INTS13: variants seen among roughly 807,000 people sequenced by gnomAD.
INTS13 encodes the protein asunder, spermatogenesis regulator homolog (Drosphila).
A neutral mutation model predicts 90.2 loss-of-function variants in INTS13; 35 were observed. The ratio of observed to expected loss-of-function variants is 0.39; its 90% CI spans 0.30 to 0.51. The LOEUF (loss-of-function observed/expected upper bound fraction) is 0.51. INTS13 is among the 20% of genes least tolerant of loss of function. The pLI, the probability that INTS13 is intolerant of heterozygous loss-of-function variation, is 0.80. For synonymous variants in INTS13, 309 were observed against 277.1 expected (o/e 1.11, Z -1.14); for missense variants, 601 against 851.2 (o/e 0.71, Z 3.66).
chr12:26,925,654 T>C lies in INTS13; in HGVS notation c.675+107A>G, dbSNP rs554929435. On this transcript the variant is annotated intron_variant, in intron 6 of 16. Transcript: ENST00000261191. Reference sequence around the variant, plus strand: ...AGGTTTACTTTGAAAACTCAAAATATTTTCTTGGCAGAAAATATTGGCAAT... The same window carrying C: ...AGGTTTACTTTGAAAACTCAAAATACTTTCTTGGCAGAAAATATTGGCAAT... 161 of 951,892 alleles carry C rather than the reference T, an allele frequency of 1.7e-4. No individual in the cohort carries two copies. The East Asian group carries it at 3.8e-3, about 23-fold the overall frequency. The allele number at this position is 951,892 out of a possible 1,614,324, so 59.0% of individuals were successfully genotyped here.
At chr12:26,934,193 T>A (rs369040716) in intron 3 of INTS13, among the ~76,000 whole-genome samples, 1 of 152,204 alleles carries the variant, frequency 6.6e-6, no homozygotes. Flanking sequence ...GTGAATCTAT[T>A]GAACCTGGGA....
At position 26,916,072 on chromosome 12, in the gene INTS13, C is replaced by T. The variant is rs751052341; in HGVS notation, c.1178G>A (p.Arg393Gln). 6.2e-7 allele frequency: 1 copy of T among 1,613,848 alleles called. No homozygotes were observed. The highest frequency in any genetic ancestry group is 1.7e-4 in the Middle Eastern group (1 of 6,060). The change falls in exon 11 of 17, where the codon CGA becomes CAA. Residue 393 changes from arginine to glutamine, a missense_variant. By Grantham distance (43) the Arg-to-Gln change is conservative. Transcript: ENST00000261191. ...TGAAGGTGGATCTTCTAGAATGGAT[C>T]GAGAACTGCTAAGGACGTGCAAAAA... is the stretch of plus-strand genomic sequence containing the variant. ...EIFLHVLSSS[R>Q]SILEDPPSIS...
intron 11 of INTS13, 115 bp downstream of exon 11, chr12:26,915,887 A>T: frequency 2.9e-6 from 2 of 680,444 alleles, no homozygotes; most frequent in Non-Finnish European, 4.6e-6. Context: ...AATAATAATC[A>T]ACTTCTTCCA....
In INTS13 at chr12:26,928,786, T is replaced by C; in HGVS notation, c.420A>G (p.Gln140=). 6.2e-7 allele frequency: 1 copy of C among 1,614,200 alleles called. No homozygotes were observed. The highest frequency in any genetic ancestry group is 8.5e-7 in the Non-Finnish European group (1 of 1,180,036). The change falls in exon 4 of 17, where the codon CAA becomes CAG. Residue 140 remains glutamine, a synonymous_variant. Transcript: ENST00000261191. Reference sequence around the variant, plus strand: ...CCATGAGTAGAGTACGAGCCTCATGTTGGTATTCAGTAATTTTGCAGAGAG... The same window carrying C: ...CCATGAGTAGAGTACGAGCCTCATGCTGGTATTCAGTAATTTTGCAGAGAG... ...VETLCKITEY[Q]HEARTLLMEN...
intron 16 of INTS13, 87 bp from the exon 17 acceptor site, chr12:26,905,623 A>C (rs1951586864): frequency 7.7e-7 from 1 of 1,298,634 alleles, no homozygotes; most frequent in African/African-American, 1.5e-5. Flanking sequence ...GAAAATTAAA[A>C]TAATATATTC....
Position 26,936,751 on chromosome 12 carries a change from G to C in INTS13, c.53C>G (p.Pro18Arg). The change falls in exon 2 of 17, where the codon CCT becomes CGT. Residue 18 changes from proline to arginine, a missense_variant. Around this residue, in one of 3 missense-constraint regions of INTS13, gnomAD observed 284 missense variants for 387.7 expected, o/e 0.73. Transcript: ENST00000261191. ...HKTVFVVDHC[P>R]YMAESCRQHV... ...CTGCCTGCAAGATTCTGCCATATAAGGGCAGTGATCCACAACAAACACTGT... is the reference window on the plus strand; with the variant it reads ...CTGCCTGCAAGATTCTGCCATATAACGGCAGTGATCCACAACAAACACTGT... 6.2e-7 allele frequency: 1 copy of C among 1,614,074 alleles called. No individual in the cohort carries two copies. Among genetic ancestry groups the C allele is most frequent in the Non-Finnish European group, 8.5e-7 (1 of 1,179,976 alleles).
chr12:26,916,243 G>T, intron 10 of INTS13, 63 bp from the exon 11 acceptor site: 1 of 1,356,794 alleles, frequency 7.4e-7, no homozygotes, highest in Non-Finnish European at 9.9e-7. Context: ...TTATTTCCTT[G>T]AGATTTATGT....
In INTS13 at chr12:26,925,850, GACTT is replaced by G; in HGVS notation, c.585-3_585del. The G allele has an allele frequency of 6.2e-7, 1 of 1,608,922 alleles. No homozygotes were observed. The highest frequency in any genetic ancestry group is 8.5e-7 in the Non-Finnish European group (1 of 1,176,710). On this transcript the variant is annotated splice_acceptor_variant and splice_polypyrimidine_tract_variant and coding_sequence_variant and intron_variant, in exon 6 of 17. Coordinates refer to ENST00000261191, the MANE Select transcript of INTS13 (RefSeq NM_018164.3). LOFTEE classifies it high-confidence loss of function. ...AACTCACATTTTTGAATCTGCATGA[GACTT>G]AAAGAGAAATTTTTGACTTAAAATT... is the stretch of plus-strand genomic sequence containing the variant.
chr12:26,936,839 C>A, intron 1 of INTS13, 25 bp from the exon 2 acceptor site: 2 of 1,446,828 alleles, frequency 1.4e-6, no homozygotes, highest in Non-Finnish European at 1.9e-6. Context: ...ACATATTAGC[C>A]AAATATTTGT....
At chr12:26,922,298 C>A (rs1242243886) in intron 8 of INTS13, among the ~76,000 whole-genome samples, 1 of 152,120 alleles carries the variant, frequency 6.6e-6, no homozygotes, top group Non-Finnish European at 1.5e-5. Context: ...GAGTACAGTA[C>A]AATAAGATAT....
At position 26,928,709 on chromosome 12, in the gene INTS13, G is replaced by C; in HGVS notation, c.497C>G (p.Ala166Gly). The C allele has an allele frequency of 6.2e-7, 1 of 1,612,236 alleles. No homozygotes were observed. The highest frequency in any genetic ancestry group is 8.5e-7 in the Non-Finnish European group (1 of 1,179,568). ...NRGRIICITN[A>G]KSDSHVRMLE... is the part of the protein sequence containing the mutation. ...GCTATAATCAACACCTCACCTTTTT[G>C]CATTAGTAATACAGATTATTCGTCC... is the stretch of plus-strand genomic sequence containing the variant. Residue 166 changes from alanine to glycine, a missense_variant, in exon 4 of 17, where the codon GCA becomes GGA. This residue lies in a region of INTS13 where 284 missense variants were observed against 387.7 expected (regional missense o/e 0.73). Transcript: ENST00000261191.
intron 8 of INTS13, among the ~76,000 whole-genome samples, chr12:26,918,037 G>A (rs773196891): frequency 3.3e-5 from 5 of 152,064 alleles, no homozygotes; most frequent in Non-Finnish European, 5.9e-5. Context: ...CAGAAGAATC[G>A]CTTGAACCTG....
intron 7 of INTS13, among the ~76,000 whole-genome samples, chr12:26,923,779 T>A (rs1344706189): frequency 1.3e-5 from 2 of 152,316 alleles, no homozygotes; most frequent in Non-Finnish European, 2.9e-5. Context: ...TAGTTAGACC[T>A]ATTAGCTATA....
In INTS13 at chr12:26,916,051, G is replaced by T. The variant is rs893183452; in HGVS notation, c.1199C>A (p.Pro400His). Reference sequence around the variant, plus strand: ...TCCTCCACATCCTTCACTAATTGAAGGTGGATCTTCTAGAATGGATCGAGA... The same window carrying T: ...TCCTCCACATCCTTCACTAATTGAATGTGGATCTTCTAGAATGGATCGAGA... Reference protein sequence around the residue: ...SSSRSILEDPPSISEGCGGRV... With the variant: ...SSSRSILEDPHSISEGCGGRV... Residue 400 changes from proline to histidine, a missense_variant, in exon 11 of 17, where the codon CCT becomes CAT. By Grantham distance (77) the Pro-to-His change is moderately conservative. Transcript: ENST00000261191. The T allele has an allele frequency of 1.2e-6, 2 of 1,613,592 alleles. No homozygotes were observed. Among genetic ancestry groups the T allele is most frequent in the Admixed American group, 1.7e-5 (1 of 59,986 alleles).
intron 9 of INTS13, 46 bp downstream of exon 9, chr12:26,917,598 A>G (rs1435105813): frequency 6.5e-7 from 1 of 1,538,670 alleles, no homozygotes; most frequent in Non-Finnish European, 9.0e-7. Flanking sequence ...ATAATACCTT[A>G]AGAACCTTTT....
chr12:26,920,857 T>A (rs1403123218), intron 8 of INTS13, among the ~76,000 whole-genome samples: 1 of 152,204 alleles, frequency 6.6e-6, no homozygotes, highest in Non-Finnish European at 1.5e-5. Context: ...AGCAGTTCAT[T>A]AGGTTTATTC....
Position 26,911,162 on chromosome 12 carries a change from C to T in INTS13, c.1945+16G>A. On this transcript the variant is annotated intron_variant, in intron 15 of 16. Coordinates refer to ENST00000261191, the MANE Select transcript of INTS13 (RefSeq NM_018164.3). ...GAAAACTTTTTATAAACCTAGTTACCACAGCTGTACCTTACCTTTTGATTT... is the reference window on the plus strand; with the variant it reads ...GAAAACTTTTTATAAACCTAGTTACTACAGCTGTACCTTACCTTTTGATTT... 3 of 1,600,218 alleles carry T rather than the reference C, an allele frequency of 1.9e-6. No homozygotes were observed. In the South Asian group the frequency reaches 3.4e-5, roughly 18 times the overall value.
Position 26,925,809 on chromosome 12 carries a change from G to T in INTS13, c.627C>A (p.Thr209=), listed in dbSNP as rs576510959. ...IQKCELVLIH[T]YPVGEDSLVS... ...CAAGGCTGTCTTCACCAACTGGGTA[G>T]GTGTGGATCAAGACCAACTCACATT... Residue 209 remains threonine, a synonymous_variant, in exon 6 of 17, where the codon ACC becomes ACA. Transcript: ENST00000261191. The T allele has an allele frequency of 6.2e-7, 1 of 1,613,014 alleles. No individual in the cohort carries two copies.
intron 6 of INTS13, 43 bp from the exon 7 acceptor site, chr12:26,924,526 T>C (rs202103532): frequency 4.5e-6 from 7 of 1,560,406 alleles, no homozygotes; most frequent in Middle Eastern, 1.7e-4. Context: ...AAAATATTAA[T>C]TCATTGTGAC....
Sources: allele counts gnomAD v4.1 joint callset (sites outside exome capture counted in the v4.1 genomes callset), GRCh38; gene constraint gnomAD v4.1.1; regional missense constraint gnomAD v4.1.1; transcripts MANE v1.5; gene names NCBI Gene and HGNC (gene_info 2026-07-23, HGNC 2026-07-21).